Variants in DENND5B observed in about 807,000 individuals in gnomAD.
DENND5B encodes the protein DENN domain containing 5B, also known as DENN domain-containing protein 5B.
In DENND5B, 34 loss-of-function variants were observed where a neutral mutation model predicts 140.6. The observed-to-expected ratio is 0.24, with a 90% CI of 0.18 to 0.32. DENND5B has a LOEUF of 0.32. Among genes scored for constraint, DENND5B ranks in the 10% least tolerant of loss-of-function variants. The pLI, the probability that DENND5B is intolerant of heterozygous loss-of-function variation, is 1.00. For synonymous variants in DENND5B, 551 were observed against 562.1 expected (o/e 0.98, Z 0.28); for missense variants, 1,142 against 1,560.2 (o/e 0.73, Z 4.52).
chr12:31,522,657 T>C (rs780833177), intron 1 of DENND5B, among the ~76,000 whole-genome samples: 9 of 152,132 alleles, frequency 5.9e-5, no homozygotes, highest in Non-Finnish European at 8.8e-5. Flanking sequence ...TTACCCCGGC[T>C]GGTCTCGTTA....
At chr12:31,421,471 T>C (rs923520969) in intron 11 of DENND5B, among the ~76,000 whole-genome samples, 1 of 152,256 alleles carries the variant, frequency 6.6e-6, no homozygotes, top group African/African-American at 2.4e-5. Flanking sequence ...AACTTAATTT[T>C]TGCATAATTA....
intron 3 of DENND5B, among the ~76,000 whole-genome samples, chr12:31,460,978 G>A (rs948333702): frequency 4.6e-5 from 7 of 152,050 alleles, no homozygotes; most frequent in Admixed American, 2.0e-4. Flanking sequence ...CGCCTACCTC[G>A]GCCTCCCAAA....
intron 13 of DENND5B, 87 bp from the exon 14 acceptor site, chr12:31,409,471 TGTC>T: frequency 1.5e-5 from 11 of 712,512 alleles, no homozygotes; most frequent in South Asian, 8.1e-5. Flanking sequence ...CTTTTCATTA[TGTC>T]TTTTTTTTTT....
intron 1 of DENND5B, among the ~76,000 whole-genome samples, chr12:31,515,165 T>C (rs945734075): frequency 3.3e-5 from 5 of 151,578 alleles, no homozygotes; most frequent in Non-Finnish European, 1.5e-5. Flanking sequence ...ATAAGCCGAG[T>C]GTGGTGGTGC....
chr12:31,480,076 G>A lies in DENND5B; in HGVS notation c.417C>T (p.His139=). The change falls in exon 3 of 21, where the codon CAC becomes CAT. Residue 139 remains histidine (H), a synonymous_variant. Transcript: ENST00000389082. ...ACACACTGCTGTAATGCTCAGCGTT[G>A]TGCATCTGGTAAAGTGTCTGCATTG... ...CTAMQTLYQM[H]NAEHYSSVYA... is the part of the protein sequence containing the mutation. The A allele has an allele frequency of 6.2e-7, 1 of 1,614,012 alleles. No individual in the cohort carries two copies.
rs370643572 is a variant in DENND5B at position 31,480,178 on chromosome 12, G to A, written c.315C>T (p.Thr105=). 8.1e-6 allele frequency: 13 copies of A among 1,603,382 alleles called. No homozygotes were observed. The highest frequency in any genetic ancestry group is 5.3e-5 in the African/African-American group (4 of 74,852). The change falls in exon 3 of 21, where the codon ACC becomes ACT. Residue 105 remains threonine (T), a synonymous_variant. Coordinates refer to ENST00000389082, the MANE Select transcript of DENND5B (RefSeq NM_144973.4). ...CATAGGTGCGAGAACCATCTTCCCT[G>A]GTAATTATAAATGAGTGAAACTGGG... ...KDPQFHSFII[T]REDGSRTYGF...
At chr12:31,438,990 A>C (rs1471874956) in intron 7 of DENND5B, among the ~76,000 whole-genome samples, 1 of 152,230 alleles carries the variant, frequency 6.6e-6, no homozygotes, top group Non-Finnish European at 1.5e-5. Context: ...GTGGAACAAA[A>C]TGGCCTACTT....
chr12:31,548,158 G>A (rs752089712), intron 1 of DENND5B, among the ~76,000 whole-genome samples: 5 of 152,060 alleles, frequency 3.3e-5, no homozygotes, highest in African/African-American at 9.7e-5. Flanking sequence ...TTGGGAGGCC[G>A]AGGCAGGAGG....
intron 1 of DENND5B, among the ~76,000 whole-genome samples, chr12:31,496,738 A>G (rs1395136250): frequency 6.6e-6 from 1 of 152,150 alleles, no homozygotes; most frequent in Admixed American, 6.5e-5. Flanking sequence ...TTTAAAAAGT[A>G]AAACATTGAA....
At chr12:31,439,055 A>G (rs1943909736) in intron 7 of DENND5B, among the ~76,000 whole-genome samples, 1 of 152,250 alleles carries the variant, frequency 6.6e-6, no homozygotes, top group South Asian at 2.1e-4. Flanking sequence ...ACTGCTATGA[A>G]GTCCACACAT....
intron 1 of DENND5B, among the ~76,000 whole-genome samples, chr12:31,504,460 TC>T (rs1369714302): frequency 6.6e-6 from 1 of 152,154 alleles, no homozygotes; most frequent in Non-Finnish European, 1.5e-5. Context: ...AGGGACCCCA[TC>T]CCCAGCTCAA....
intron 1 of DENND5B, among the ~76,000 whole-genome samples, chr12:31,550,869 G>T (rs1949031369): frequency 6.6e-6 from 1 of 152,106 alleles, no homozygotes; most frequent in South Asian, 2.1e-4. Context: ...GTCTTCTTTT[G>T]AGAAGTGTCT....
At chr12:31,516,938 C>G (rs1947679223) in intron 1 of DENND5B, among the ~76,000 whole-genome samples, 1 of 151,698 alleles carries the variant, frequency 6.6e-6, no homozygotes, top group African/African-American at 2.4e-5. Flanking sequence ...GACCCTATCT[C>G]AAAAAAATTA....
chr12:31,458,981 G>A (rs1944898205), intron 4 of DENND5B, among the ~76,000 whole-genome samples: 1 of 152,140 alleles, frequency 6.6e-6, no homozygotes, highest in Non-Finnish European at 1.5e-5. Flanking sequence ...GGGAGGCCGG[G>A]GCGGGCAGAT....
intron 4 of DENND5B, 117 bp from the exon 5 acceptor site, chr12:31,452,593 G>A (rs1173252270): frequency 2.7e-6 from 3 of 1,102,832 alleles, no homozygotes; most frequent in South Asian, 1.8e-5. Context: ...GGAGGCCAAA[G>A]CAAAAGGATC....
chr12:31,488,927 G>C (rs893457632), intron 2 of DENND5B, among the ~76,000 whole-genome samples: 2 of 152,206 alleles, frequency 1.3e-5, no homozygotes, highest in Non-Finnish European at 2.9e-5. Flanking sequence ...AGCCAAAGCA[G>C]GCTTATAATG....
intron 15 of DENND5B, among the ~76,000 whole-genome samples, chr12:31,401,796 A>AT (rs922909923): frequency 6.6e-6 from 1 of 151,976 alleles, no homozygotes; most frequent in East Asian, 1.9e-4. Context: ...TAATTTTTGT[A>AT]TTTTTTGTAG....
At position 31,398,205 on chromosome 12, in the gene DENND5B, T is replaced by G. The variant is rs777881908; in HGVS notation, c.3226A>C (p.Ser1076Arg). ...QKSPTTARRL[S>R]ITSLTGKNNK... ...TTTTTTCCTGTCAGTGAAGTGATGC[T>G]CAATCTCCTAGCCGTGGTGGGTGAC... Residue 1076 changes from serine to arginine, a missense_variant, in exon 17 of 21, where the codon AGC (serine) becomes CGC (arginine). This residue lies in a region of DENND5B where 268 missense variants were observed against 349.2 expected (regional missense o/e 0.77). Transcript: ENST00000389082. 1 of 1,604,216 alleles carries G rather than the reference T, an allele frequency of 6.2e-7. No individual in the cohort carries two copies. Among genetic ancestry groups the G allele is most frequent in the Non-Finnish European group, 8.5e-7 (1 of 1,175,524 alleles).
rs1947064753 is a variant in DENND5B, at chr12:31,502,859, TAAAGG to T, written c.128-6945_128-6941del. Among the ~76,000 whole-genome samples the T allele has an allele frequency of 2.0e-5, 3 of 152,078 alleles. No individual in the cohort carries two copies. The South Asian group carries it at 6.2e-4, about 32-fold the overall frequency. ...TGCCTACAGAACTGAACTAGAGTAA[TAAAGG>T]AATCGGTTTATTACAAATATCTAAG... On this transcript the variant is annotated intron_variant, in intron 1 of 20. Coordinates refer to ENST00000389082, the MANE Select transcript of DENND5B (RefSeq NM_144973.4).
Sources: allele counts gnomAD v4.1 joint callset (sites outside exome capture counted in the v4.1 genomes callset), GRCh38; gene constraint gnomAD v4.1.1; regional missense constraint gnomAD v4.1.1; transcripts MANE v1.5; gene names NCBI Gene and HGNC (gene_info 2026-07-23, HGNC 2026-07-21).